The following GPR137B variants were observed in gnomAD, a reference collection of about 807,000 sequenced individuals.
GPR137B encodes the protein integral membrane protein GPR137B.
A neutral mutation model predicts 42.5 loss-of-function variants in GPR137B; 42 were observed. The ratio of observed to expected loss-of-function variants is 0.99; its 90% confidence interval spans 0.77 to 1.28. GPR137B has a LOEUF of 1.28. GPR137B is among the 50% of genes most tolerant of loss of function. The pLI is 0.00. For missense variants in GPR137B, 487 were observed against 493.9 expected, an observed-to-expected ratio of 0.99 and a Z score of 0.13; for synonymous variants, 218 against 209.7, an observed-to-expected ratio of 1.04 and a Z score of -0.34.
In GPR137B at chr1:236,180,024, AC is replaced by A. The variant is rs1186362085; in HGVS notation, c.835del (p.Gln279ArgfsTer4). On this transcript the variant is annotated frameshift_variant, in exon 4 of 7. Coordinates refer to ENST00000366592, the MANE Select transcript of GPR137B (RefSeq NM_003272.4). LOFTEE classifies it high-confidence loss of function. ...SFDYDWYNVS[D>X]QADLKNQLGD... ...GATTATGACTGGTACAATGTATCAG[AC>A]CAGGTCAGTGGGGGCGCTGAGGAGG... 1 of 1,613,250 alleles carries A rather than the reference AC, an allele frequency of 6.2e-7. No homozygotes were observed. Among genetic ancestry groups the A allele is most frequent in the Non-Finnish European group, 8.5e-7 (1 of 1,179,338 alleles).
intron 1 of GPR137B, among the ~76,000 whole-genome samples, chr1:236,149,336 GA>G (rs1346306652): frequency 6.6e-6 from 1 of 152,192 alleles, no homozygotes; most frequent in Non-Finnish European, 1.5e-5. Context: ...ACCAGAGGAG[GA>G]AATTCTCCCA....
chr1:236,149,853 T>G (rs1661793494), intron 1 of GPR137B, among the ~76,000 whole-genome samples: 1 of 152,236 alleles, frequency 6.6e-6, no homozygotes, highest in African/African-American at 2.4e-5. Flanking sequence ...TGTGCGCCTT[T>G]GTATGTGTAT....
At chr1:236,144,243 C>T (rs1387090387) in intron 1 of GPR137B, among the ~76,000 whole-genome samples, 1 of 152,038 alleles carries the variant, frequency 6.6e-6, no homozygotes, top group Non-Finnish European at 1.5e-5. Context: ...GGCGAAACTT[C>T]CTCTCTACAA....
At chr1:236,206,431 C>T (rs1033785323) in intron 6 of GPR137B, among the ~76,000 whole-genome samples, 2 of 152,206 alleles carry the variant, frequency 1.3e-5, no homozygotes, top group Non-Finnish European at 2.9e-5. Flanking sequence ...TTATGTTATA[C>T]TTTCACGTGA....
At position 236,142,932 on chromosome 1, in the gene GPR137B, G is replaced by C. The variant is rs958217773; in HGVS notation, c.310G>C (p.Val104Leu). Reference protein sequence around the residue: ...VLFSFYFKDFVAANSLSPFVF... With the variant: ...VLFSFYFKDFLAANSLSPFVF... ...CTTCTCCTTCTACTTCAAAGACTTC[G>C]TGGCGGCCAATTCGCTCAGCCCCTT... is the stretch of plus-strand genomic sequence containing the variant. Residue 104 changes from valine (V) to leucine (L), a missense_variant, in exon 1 of 7, where the codon GTG (valine) becomes CTG (leucine). Val to Leu is a conservative substitution (Grantham distance 32, BLOSUM62 1). Coordinates refer to ENST00000366592, the MANE Select transcript of GPR137B (RefSeq NM_003272.4). The C allele has an allele frequency of 1.2e-6, 2 of 1,614,054 alleles. No homozygotes were observed. Among genetic ancestry groups the C allele is most frequent in the Non-Finnish European group, 1.7e-6 (2 of 1,180,010 alleles).
intron 1 of GPR137B, among the ~76,000 whole-genome samples, chr1:236,145,855 C>A (rs1661667549): frequency 6.6e-6 from 1 of 152,118 alleles, no homozygotes; most frequent in East Asian, 1.9e-4. Context: ...TGAGGTTTGT[C>A]TTTTATGTAC....
At chr1:236,169,370 T>G (rs1474768452) in intron 2 of GPR137B, among the ~76,000 whole-genome samples, 1 of 152,228 alleles carries the variant, frequency 6.6e-6, no homozygotes, top group African/African-American at 2.4e-5. Context: ...CATTGAACCC[T>G]AAGTTGCTAC....
In GPR137B at chr1:236,183,901, G is replaced by T; in HGVS notation, c.961G>T (p.Asp321Tyr). The T allele has an allele frequency of 6.2e-7, 1 of 1,607,040 alleles. No individual in the cohort carries two copies. The highest frequency in any genetic ancestry group is 8.5e-7 in the Non-Finnish European group (1 of 1,174,460). The change falls in exon 5 of 7, where the codon GAC becomes TAC. Residue 321 changes from aspartate (D) to tyrosine (Y), a missense_variant. Transcript: ENST00000366592. ...CTTCCGAGTTAGAAATCCTACAAAGGACCTTGTAAGTAAACCATTTTACAT... is the reference window on the plus strand; with the variant it reads ...CTTCCGAGTTAGAAATCCTACAAAGTACCTTGTAAGTAAACCATTTTACAT... Reference protein sequence around the residue: ...YFFRVRNPTKDLTNPGMVPSH... With the variant: ...YFFRVRNPTKYLTNPGMVPSH...
Position 236,142,833 on chromosome 1 carries a change from C to G in GPR137B, c.211C>G (p.Arg71Gly), listed in dbSNP as rs769503191. The G allele has an allele frequency of 1.2e-6, 2 of 1,614,080 alleles. No homozygotes were observed. Among genetic ancestry groups the G allele is most frequent in the Non-Finnish European group, 1.7e-6 (2 of 1,179,922 alleles). ...GCAGCTCTGGCTGGTGCTGCGTTACCGCCACAAGCGGCTCAGCTACCAGAG... is the reference window on the plus strand; with the variant it reads ...GCAGCTCTGGCTGGTGCTGCGTTACGGCCACAAGCGGCTCAGCTACCAGAG... ...YVQLWLVLRY[R>G]HKRLSYQSVF... Residue 71 changes from arginine (R) to glycine (G), a missense_variant, in exon 1 of 7, where the codon CGC becomes GGC. Coordinates refer to ENST00000366592, the MANE Select transcript of GPR137B (RefSeq NM_003272.4).
At position 236,156,678 on chromosome 1, in the gene GPR137B, G is replaced by A. The variant is rs532877754; in HGVS notation, c.415-12028G>A. ...AGAACTCCGGTGTCTGGATTTCGGG[G>A]ACCGACTGTCTTGTCACCCTGCTCT... On this transcript the variant is annotated intron_variant, in intron 1 of 6. Coordinates refer to ENST00000366592, the MANE Select transcript of GPR137B (RefSeq NM_003272.4). The surrounding 1 kb of genome is among the most constrained non-coding windows in gnomAD (Gnocchi z 4.8). Among the ~76,000 whole-genome samples, 99 of 152,322 alleles carry A rather than the reference G, an allele frequency of 6.5e-4. 1 individual carries two copies. Among genetic ancestry groups the A allele is most frequent in the Non-Finnish European group, 4.9e-4 (33 of 68,032 alleles).
At chr1:236,189,118 T>C (rs894364877) in intron 5 of GPR137B, among the ~76,000 whole-genome samples, 2 of 152,242 alleles carry the variant, frequency 1.3e-5, no homozygotes, top group African/African-American at 2.4e-5. Context: ...GATGTGTTTA[T>C]AGTATTCTTT....
chr1:236,205,004 A>G (rs1031710886), intron 5 of GPR137B, 122 bp from the exon 6 acceptor site: 1 of 755,096 alleles, frequency 1.3e-6, no homozygotes, highest in African/African-American at 1.7e-5. Flanking sequence ...CCAGCTGAAC[A>G]GATATAGCCT....
At chr1:236,199,958 T>C (rs1214337261) in intron 5 of GPR137B, among the ~76,000 whole-genome samples, 2 of 152,064 alleles carry the variant, frequency 1.3e-5, no homozygotes, top group Non-Finnish European at 2.9e-5. Context: ...TTTCTATTTG[T>C]GCTCTTCCAG....
intron 5 of GPR137B, among the ~76,000 whole-genome samples, chr1:236,187,814 C>T (rs965311768): frequency 7.4e-4 from 113 of 152,182 alleles, no homozygotes; most frequent in Non-Finnish European, 1.4e-3. Flanking sequence ...GCTATGTGGG[C>T]CCTTCTTTGG....
intron 5 of GPR137B, among the ~76,000 whole-genome samples, chr1:236,199,673 T>C (rs1663439534): frequency 6.6e-6 from 1 of 150,934 alleles, no homozygotes; most frequent in Non-Finnish European, 1.5e-5. Context: ...CCTTGAATGA[T>C]CTTTTGTATT....
At chr1:236,170,904 G>A (rs1367627849) in intron 2 of GPR137B, among the ~76,000 whole-genome samples, 2 of 151,568 alleles carry the variant, frequency 1.3e-5, no homozygotes, top group African/African-American at 4.9e-5. Context: ...TAAGCCTAAG[G>A]GGTGGAGATT....
rs1335242668 is a variant in GPR137B, at chr1:236,178,403, A to C, written c.465-11A>C. On this transcript the variant is annotated splice_polypyrimidine_tract_variant and intron_variant, in intron 2 of 6. Transcript: ENST00000366592. ...GATGTGCAGCTGACAAGTTGCTCTC[A>C]TGCCTTCCAGGTTGCCCCTCTACCT... 6.4e-7 allele frequency: 1 copy of C among 1,574,616 alleles called. No homozygotes were observed. Among genetic ancestry groups the C allele is most frequent in the African/African-American group, 1.3e-5 (1 of 74,192 alleles).
intron 5 of GPR137B, among the ~76,000 whole-genome samples, chr1:236,203,221 G>A (rs1663550082): frequency 6.6e-6 from 1 of 152,086 alleles, no homozygotes; most frequent in African/African-American, 2.4e-5. Context: ...GGGACTATGG[G>A]CACCCCCCAT....
intron 2 of GPR137B, among the ~76,000 whole-genome samples, chr1:236,178,010 G>A (rs764320009): frequency 6.6e-6 from 1 of 152,104 alleles, no homozygotes; most frequent in Non-Finnish European, 1.5e-5. Context: ...TTATTTTCAA[G>A]TGATGGAACC....
Sources: allele counts gnomAD v4.1 joint callset (sites outside exome capture counted in the v4.1 genomes callset), GRCh38; gene constraint gnomAD v4.1.1; non-coding constraint Gnocchi (gnomAD v3.1); transcripts MANE v1.5; gene names NCBI Gene and HGNC (gene_info 2026-07-23, HGNC 2026-07-21).